TMEM132D: variants seen among roughly 807,000 people sequenced by gnomAD.
TMEM132D encodes the protein mature OL transmembrane protein.
A neutral mutation model predicts 62.3 loss-of-function variants in TMEM132D; 21 were observed. That is an observed-to-expected ratio of 0.34 (90% CI 0.24 to 0.49). The LOEUF is 0.49. Ranked by LOEUF, TMEM132D falls within the 20% of genes least tolerant of loss-of-function variation. The pLI, the probability that TMEM132D is intolerant of heterozygous loss-of-function variation, is 0.99. For synonymous variants in TMEM132D, 621 were observed against 575.6 expected, an observed-to-expected ratio of 1.08 and a Z score of -1.13; for missense variants, 1,346 against 1,402.8, an observed-to-expected ratio of 0.96 and a Z score of 0.65.
chr12:129,224,351 C>CAGG (rs1470120431), intron 4 of TMEM132D, among the ~76,000 whole-genome samples: 8 of 152,304 alleles, frequency 5.3e-5, no homozygotes, highest in African/African-American at 1.9e-4. Context: ...CTGCATAGAT[C>CAGG]AGGACTTCTT....
intron 4 of TMEM132D, among the ~76,000 whole-genome samples, chr12:129,294,219 G>T (rs966632758): frequency 6.6e-6 from 1 of 152,136 alleles, no homozygotes; most frequent in Non-Finnish European, 1.5e-5. Context: ...TTAATGCCTT[G>T]AATACGAATG....
chr12:129,364,607 T>C (rs1870348607), intron 3 of TMEM132D, among the ~76,000 whole-genome samples: 3 of 152,234 alleles, frequency 2.0e-5, no homozygotes, highest in African/African-American at 7.2e-5. Flanking sequence ...CCAGGAAAGT[T>C]AGTGCTTTTA....
intron 3 of TMEM132D, among the ~76,000 whole-genome samples, chr12:129,401,227 C>A (rs762296278): frequency 7.2e-5 from 11 of 152,186 alleles, no homozygotes; most frequent in Non-Finnish European, 1.5e-4. Flanking sequence ...TTTACATAAA[C>A]GCAACAGTTA....
At chr12:129,598,131 G>A (rs1302450087) in intron 2 of TMEM132D, among the ~76,000 whole-genome samples, 3 of 152,150 alleles carry the variant, frequency 2.0e-5, no homozygotes, top group Non-Finnish European at 4.4e-5. Context: ...TAGAATTCTA[G>A]CACACTATAA....
At chr12:129,481,079 G>A (rs1874415249) in intron 3 of TMEM132D, among the ~76,000 whole-genome samples, 1 of 152,012 alleles carries the variant, frequency 6.6e-6, no homozygotes, top group African/African-American at 2.4e-5. Flanking sequence ...CATGAGAAAA[G>A]GAGGAAACAG....
intron 4 of TMEM132D, among the ~76,000 whole-genome samples, chr12:129,296,099 T>TACATATGTATATTA (rs1881568198): frequency 6.6e-6 from 1 of 151,840 alleles, no homozygotes; most frequent in Non-Finnish European, 1.5e-5. Flanking sequence ...TATATATATA[T>TACATATGTATATTA]ACATATGTAT....
chr12:129,472,314 C>T (rs1271564016), intron 3 of TMEM132D, among the ~76,000 whole-genome samples: 1 of 152,158 alleles, frequency 6.6e-6, no homozygotes, highest in African/African-American at 2.4e-5. Flanking sequence ...AACTATCATC[C>T]TCAGCAAACT....
intron 1 of TMEM132D, among the ~76,000 whole-genome samples, chr12:129,825,853 C>T (rs963414045): frequency 2.0e-5 from 3 of 152,058 alleles, no homozygotes; most frequent in Admixed American, 1.3e-4. Context: ...CACTTGAGCC[C>T]AGGAGTTCAA....
chr12:129,600,689 T>C (rs1481945397), intron 2 of TMEM132D, among the ~76,000 whole-genome samples: 4 of 152,188 alleles, frequency 2.6e-5, no homozygotes, highest in Non-Finnish European at 4.4e-5. Context: ...TCAGAGCTCT[T>C]AGGTGACCAG....
intron 2 of TMEM132D, among the ~76,000 whole-genome samples, chr12:129,584,188 A>C (rs1877954313): frequency 6.6e-6 from 1 of 152,232 alleles, no homozygotes; most frequent in South Asian, 2.1e-4. Flanking sequence ...TGAAGTTGTC[A>C]AAAAGTTTCA....
At chr12:129,367,178 T>C (rs752429031) in intron 3 of TMEM132D, among the ~76,000 whole-genome samples, 2 of 152,240 alleles carry the variant, frequency 1.3e-5, no homozygotes, top group African/African-American at 2.4e-5. Context: ...CTCAGTACAA[T>C]TGACGCCTTC....
chr12:129,197,238 C>T (rs561792779), intron 5 of TMEM132D, among the ~76,000 whole-genome samples: 1 of 152,238 alleles, frequency 6.6e-6, no homozygotes, highest in African/African-American at 2.4e-5. Context: ...CACTGTAGCA[C>T]AAAAGCAGCC....
intron 1 of TMEM132D, among the ~76,000 whole-genome samples, chr12:129,782,134 CG>C (rs1369409026): frequency 6.6e-6 from 1 of 152,094 alleles, no homozygotes; most frequent in African/African-American, 2.4e-5. Context: ...GAAGTGTTTT[CG>C]ATTTTGTTCA....
chr12:129,782,107 C>T (rs928982135), intron 1 of TMEM132D, among the ~76,000 whole-genome samples: 4 of 152,156 alleles, frequency 2.6e-5, no homozygotes, highest in Admixed American at 6.5e-5. Flanking sequence ...ATCCCTTACC[C>T]GAAATGCCTG....
intron 5 of TMEM132D, among the ~76,000 whole-genome samples, chr12:129,104,179 G>T (rs1334033000): frequency 6.6e-6 from 1 of 150,832 alleles, no homozygotes; most frequent in Non-Finnish European, 1.5e-5. Flanking sequence ...GCATGGTACT[G>T]GTACCAAAAC....
chr12:129,096,383 A>G (rs995834057), intron 5 of TMEM132D, among the ~76,000 whole-genome samples: 3 of 152,014 alleles, frequency 2.0e-5, no homozygotes, highest in Non-Finnish European at 4.4e-5. Context: ...GGAGGAAGGG[A>G]AGGACCCAGG....
intron 3 of TMEM132D, among the ~76,000 whole-genome samples, chr12:129,354,289 G>A (rs551373732): frequency 9.4e-5 from 14 of 149,586 alleles, no homozygotes; most frequent in African/African-American, 3.2e-4. Flanking sequence ...TATTTCCAGA[G>A]TGATGCAAAA....
In TMEM132D at chr12:129,442,461, G is replaced by C. The variant is rs139758615; in HGVS notation, c.1115+88598C>G. Among the ~76,000 whole-genome samples, 1,179 of 152,246 alleles carry C rather than the reference G, an allele frequency of 7.7e-3. 18 individuals carry two copies. The highest frequency in any genetic ancestry group is 0.027 in the African/African-American group (1,114 of 41,540). ...CTGAAACCTCAGGTAAGTCACTCAA[G>C]AGTCCCGACCTCCTGAGAGATGAAA... is the stretch of plus-strand genomic sequence containing the variant. On this transcript the variant is annotated intron_variant, in intron 3 of 8. Transcript: ENST00000422113.
chr12:129,671,253 G>T (rs140659489), intron 2 of TMEM132D, among the ~76,000 whole-genome samples: 64 of 152,132 alleles, frequency 4.2e-4, no homozygotes, highest in Non-Finnish European at 6.2e-4. Flanking sequence ...TGGGGGAAGA[G>T]AATAACTTAA....
Sources: allele counts gnomAD v4.1 joint callset (sites outside exome capture counted in the v4.1 genomes callset), GRCh38; gene constraint gnomAD v4.1.1; transcripts MANE v1.5; gene names NCBI Gene and HGNC (gene_info 2026-07-23, HGNC 2026-07-21).